MUC5AC: variants seen among roughly 807,000 people sequenced by gnomAD.
MUC5AC encodes the protein mucin-5AC.
MUC5AC carries 158 observed loss-of-function variants against 169.7 expected under a neutral mutation model. That is an observed-to-expected ratio of 0.93 (90% confidence interval 0.82 to 1.06). The LOEUF is 1.06. Ranked by LOEUF, MUC5AC falls within the 50% of genes least tolerant of loss-of-function variation. The probability of loss-of-function intolerance (pLI) is 0.00; values close to 1 mark genes in which losing one functional copy is unlikely to be tolerated. For missense variants in MUC5AC, 4,359 were observed against 3,089.9 expected (o/e 1.41, Z -9.74); for synonymous variants, 1,975 against 1,237.0 (o/e 1.60, Z -12.52).
rs759067588 is a variant in MUC5AC, at chr11:1,161,552, C to T, written c.177C>T (p.Val59=). 20 of 1,609,740 alleles carry T rather than the reference C, an allele frequency of 1.2e-5. No homozygotes were observed. The East Asian group carries it at 4.2e-4, about 34-fold the overall frequency. ...PSGVPLRGAT[V]FPSLRTIPVV... ...GGGTCCCGCTCCGTGGGGCGACTGT[C>T]TTCCCATCTCTGAGGACCATCCCTG... Residue 59 remains valine (V), a synonymous_variant, in exon 3 of 49, where the codon GTC becomes GTT. Coordinates refer to ENST00000621226, the MANE Select transcript of MUC5AC (RefSeq NM_001304359.2).
At chr11:1,182,062 G>T in intron 30 of MUC5AC, 93 bp from the exon 31 acceptor site, 1 of 396,982 alleles carries the variant, frequency 2.5e-6, no homozygotes, top group Non-Finnish European at 4.4e-6. Flanking sequence ...ACCTGCTGGC[G>T]CAGCTCCAGA....
In MUC5AC at chr11:1,188,644, C is replaced by T; in HGVS notation, c.10499C>T (p.Thr3500Ile). The T allele has an allele frequency of 1.3e-6, 1 of 765,056 alleles. No homozygotes were observed. 47.4% of individuals were successfully genotyped at this position (765,056 alleles called of 1,614,324 possible). ...ACCAGCACAGCCTCTGTTTCAAAGA[C>T]CAGCACAAGCCATGTTTCTGTATCC... ...TTTSTASVSK[T>I]STSHVSVSKT... Residue 3500 changes from threonine (T) to isoleucine (I), a missense_variant, in exon 31 of 49, where the codon ACC (threonine) becomes ATC (isoleucine). Transcript: ENST00000621226.
At position 1,184,439 on chromosome 11, in the gene MUC5AC, C is replaced by T. The variant is rs1249480845; in HGVS notation, c.6294C>T (p.Pro2098=). Residue 2098 remains proline, a synonymous_variant, in exon 31 of 49, where the codon CCC becomes CCT. Transcript: ENST00000621226. ...EQPTATSRGG[P]TATSVTQGTH... ...CCACGGCAACCTCCAGGGGTGGGCC[C>T]ACAGCAACCAGCGTCACACAGGGCA... The T allele has an allele frequency of 5.2e-6, 3 of 571,774 alleles. No homozygotes were observed. Among genetic ancestry groups the T allele is most frequent in the Admixed American group, 3.0e-5 (1 of 33,666 alleles). 35.4% of individuals were successfully genotyped at this position (571,774 alleles called of 1,614,324 possible). A position where few individuals can be genotyped will look rare whatever the true frequency, so the allele number is the denominator to read the frequency against.
intron 15 of MUC5AC, among the ~76,000 whole-genome samples, chr11:1,169,936 G>A (rs1321300418): frequency 0.01 from 418 of 40,426 alleles, no homozygotes; most frequent in Middle Eastern, 0.048. Flanking sequence ...TCACTCACTC[G>A]CCCACTCACC....
chr11:1,195,707 C>T (rs1861253371), intron 36 of MUC5AC, among the ~76,000 whole-genome samples, 169 bp from the exon 37 acceptor site: 1 of 132,764 alleles, frequency 7.5e-6, no homozygotes, highest in South Asian at 2.9e-4. Context: ...CCCAAGCACA[C>T]AGAATGTGTG....
chr11:1,158,204 C>A, intron 1 of MUC5AC, 132 bp downstream of exon 1: 1 of 802,662 alleles, frequency 1.2e-6, no homozygotes, highest in Non-Finnish European at 1.9e-6. Context: ...CAGCATAGCC[C>A]CTGACTGTGG....
At position 1,188,745 on chromosome 11, in the gene MUC5AC, T is replaced by A; in HGVS notation, c.10600T>A (p.Phe3534Ile). ...CTWTKWFDVD[F>I]PSPGPHGGDK... ...CTGGACCAAATGGTTTGATGTGGAC[T>A]TTCCATCCCCTGGACCCCACGGTGG... The change falls in exon 31 of 49, where the codon TTT becomes ATT. Residue 3534 changes from phenylalanine to isoleucine, a missense_variant. Physicochemically the swap from Phe to Ile is conservative, Grantham distance 21 (BLOSUM62 0). Transcript: ENST00000621226. 1 of 761,818 alleles carries A rather than the reference T, an allele frequency of 1.3e-6. No individual in the cohort carries two copies. The highest frequency in any genetic ancestry group is 1.3e-5 in the South Asian group (1 of 74,218). 47.2% of individuals were successfully genotyped at this position (761,818 alleles called of 1,614,324 possible). A position where few individuals can be genotyped will look rare whatever the true frequency, so the allele number is the denominator to read the frequency against.
In MUC5AC at chr11:1,195,985, C is replaced by A. The variant is rs750729776; in HGVS notation, c.15568C>A (p.Leu5190Met). 3 of 764,888 alleles carry A rather than the reference C, an allele frequency of 3.9e-6. No individual in the cohort carries two copies. The highest frequency in any genetic ancestry group is 7.2e-6 in the Non-Finnish European group (3 of 417,832). The allele number at this position is 764,888 out of a possible 1,614,324, so 47.4% of individuals were successfully genotyped here. ...DLDVVCSSLE[L>M]YAALCASHDI... ...GGATGTGGTGTGCTCCAGCCTGGAGCTGTACGCGGCACTCTGTGCGTCCCA... is the reference window on the plus strand; with the variant it reads ...GGATGTGGTGTGCTCCAGCCTGGAGATGTACGCGGCACTCTGTGCGTCCCA... Residue 5190 changes from leucine (L) to methionine (M), a missense_variant, in exon 37 of 49, where the codon CTG (leucine) becomes ATG (methionine). Leu to Met is a conservative substitution (Grantham distance 15, BLOSUM62 2). Coordinates refer to ENST00000621226, the MANE Select transcript of MUC5AC (RefSeq NM_001304359.2).
chr11:1,167,883 G>C lies in MUC5AC; in HGVS notation c.1393G>C (p.Asp465His), dbSNP rs1860381189. The C allele has an allele frequency of 6.5e-7, 1 of 1,550,146 alleles. No homozygotes were observed. The highest frequency in any genetic ancestry group is 8.7e-7 in the Non-Finnish European group (1 of 1,146,944). ...GGTGTGTCGTGTTCCGCAGCCCTGT[G>C]ACAGCAGTGCCTTCACTGTACTGGC... is the stretch of plus-strand genomic sequence containing the variant. Reference protein sequence around the residue: ...DCSYVLTKPCDSSAFTVLAEL... With the variant: ...DCSYVLTKPCHSSAFTVLAEL... The change falls in exon 12 of 49, where the codon GAC becomes CAC. Residue 465 changes from aspartate (D) to histidine (H), a missense_variant. By Grantham distance (81) the Asp-to-His change is moderately conservative. Coordinates refer to ENST00000621226, the MANE Select transcript of MUC5AC (RefSeq NM_001304359.2).
At chr11:1,165,155 GC>G in intron 9 of MUC5AC, 146 bp from the exon 10 acceptor site, 1 of 705,776 alleles carries the variant, frequency 1.4e-6, no homozygotes, top group Non-Finnish European at 2.3e-6. Flanking sequence ...CCTGTCCCGG[GC>G]CCCTGAGGCT....
intron 16 of MUC5AC, 105 bp downstream of exon 16, chr11:1,172,628 AC>A (rs1860574917): frequency 7.5e-6 from 3 of 397,992 alleles, no homozygotes; most frequent in African/African-American, 2.1e-5. Flanking sequence ...GGCAGGACTA[AC>A]CTTTCTAGGC....
intron 1 of MUC5AC, among the ~76,000 whole-genome samples, chr11:1,159,416 C>T (rs901028309): frequency 3.5e-5 from 5 of 142,444 alleles, no homozygotes; most frequent in East Asian, 2.2e-4. Context: ...TGGTGCTGGG[C>T]GGGGCTGTGC....
intron 27 of MUC5AC, 52 bp from the exon 28 acceptor site, chr11:1,180,302 C>T (rs1484428183): frequency 3.3e-5 from 13 of 398,508 alleles, no homozygotes; most frequent in East Asian, 3.2e-4. Context: ...CCCTCCAGAG[C>T]GAGGTGGACG....
At position 1,185,759 on chromosome 11, in the gene MUC5AC, C is replaced by A. The variant is rs1182779799; in HGVS notation, c.7614C>A (p.Thr2538=). The change falls in exon 31 of 49, where the codon ACC becomes ACA. Residue 2538 remains threonine (T), a synonymous_variant. Coordinates refer to ENST00000621226, the MANE Select transcript of MUC5AC (RefSeq NM_001304359.2). ...CTACTCCCAGCCCTGTTCCCACCAC[C>A]AGCACAACCTCTGCTCCTACAACCA... is the stretch of plus-strand genomic sequence containing the variant. The part of the protein sequence containing the change: ...AGTTPSPVPT[T]STTSAPTTST... 2.7e-6 allele frequency: 2 copies of A among 743,648 alleles called. No homozygotes were observed. The highest frequency in any genetic ancestry group is 4.9e-5 in the East Asian group (2 of 40,644). The allele number at this position is 743,648 out of a possible 1,614,324, so 46.1% of individuals were successfully genotyped here.
chr11:1,196,151 G>T (rs540207425), intron 37 of MUC5AC, 97 bp downstream of exon 37: 4 of 632,154 alleles, frequency 6.3e-6, no homozygotes, highest in Non-Finnish European at 2.8e-6. Context: ...GTCAGGGGGG[G>T]ACCTGGAGGA....
chr11:1,197,789 G>A, intron 41 of MUC5AC, 114 bp from the exon 42 acceptor site: 2 of 636,918 alleles, frequency 3.1e-6, no homozygotes, highest in South Asian at 3.5e-5. Context: ...AGCCTCATCT[G>A]GAGACCCCCG....
chr11:1,181,296 G>A lies in MUC5AC; in HGVS notation c.3846G>A (p.Gln1282=), dbSNP rs1437890693. 2 of 398,466 alleles carry A rather than the reference G, an allele frequency of 5.0e-6. No homozygotes were observed. The highest frequency in any genetic ancestry group is 2.5e-4 in the South Asian group (2 of 7,874). The allele number at this position is 398,466 out of a possible 1,614,324, so 24.7% of individuals were successfully genotyped here. ...CCTGTGTCTGCACCTACAATGGACA[G>A]CGCTTCCACCCAGGGGACGTCATCT... ...AEACVCTYNG[Q]RFHPGDVIYH... Residue 1282 remains glutamine, a synonymous_variant, in exon 30 of 49, where the codon CAG becomes CAA. Transcript: ENST00000621226.
In MUC5AC at chr11:1,177,572, G is replaced by T. The variant is rs1860717810; in HGVS notation, c.3026G>T (p.Gly1009Val). ...GIYLVVDTDI[G>V]LVLLWDKKTS... is the part of the protein sequence containing the mutation. ...TACCTGGTGGTGGACACCGACATTGGCCTGGTGCTGCTGTGGGACAAGAAG... is the reference window on the plus strand; with the variant it reads ...TACCTGGTGGTGGACACCGACATTGTCCTGGTGCTGCTGTGGGACAAGAAG... The change falls in exon 24 of 49, where the codon GGC (glycine) becomes GTC (valine). Residue 1009 changes from glycine (G) to valine (V), a missense_variant. Gly to Val is a moderately radical substitution (Grantham distance 109). Coordinates refer to ENST00000621226, the MANE Select transcript of MUC5AC (RefSeq NM_001304359.2). 2.5e-6 allele frequency: 1 copy of T among 398,814 alleles called. No homozygotes were observed. Among genetic ancestry groups the T allele is most frequent in the Non-Finnish European group, 4.4e-6 (1 of 226,204 alleles). The allele number at this position is 398,814 out of a possible 1,614,324, so 24.7% of individuals were successfully genotyped here. A position where few individuals can be genotyped will look rare whatever the true frequency, so the allele number is the denominator to read the frequency against.
chr11:1,189,112 C>T lies in MUC5AC; in HGVS notation c.10967C>T (p.Thr3656Ile). 1 of 603,300 alleles carries T rather than the reference C, an allele frequency of 1.7e-6. No homozygotes were observed. The highest frequency in any genetic ancestry group is 2.7e-5 in the East Asian group (1 of 36,788). The allele number at this position is 603,300 out of a possible 1,614,324, so 37.4% of individuals were successfully genotyped here. A position where few individuals can be genotyped will look rare whatever the true frequency, so the allele number is the denominator to read the frequency against. The change falls in exon 31 of 49, where the codon ACA becomes ATA. Residue 3656 changes from threonine (T) to isoleucine (I), a missense_variant. Thr to Ile is a moderately conservative substitution (Grantham distance 89, BLOSUM62 -1). Transcript: ENST00000621226. The stretch of plus-strand genomic sequence containing the variant: ...ACCTCCTCTTGGCAGAAATCCAGGA[C>T]AACCACTTTGGTGACAAGCAGCATA... ...QSTSSWQKSR[T>I]TTLVTSSITS...
Sources: allele counts gnomAD v4.1 joint callset (sites outside exome capture counted in the v4.1 genomes callset), GRCh38; gene constraint gnomAD v4.1.1; transcripts MANE v1.5; gene names NCBI Gene and HGNC (gene_info 2026-07-23, HGNC 2026-07-21).